Variants in ADAMTS3 observed in about 807,000 individuals in gnomAD.
ADAMTS3 encodes A disintegrin and metalloproteinase with thrombospondin motifs 3.
A neutral mutation model predicts 129.0 loss-of-function variants in ADAMTS3; 73 were observed. The observed-to-expected ratio is 0.57, with a 90% confidence interval of 0.47 to 0.69. The LOEUF is 0.69. ADAMTS3 is among the 30% of genes least tolerant of loss of function. ADAMTS3 has a pLI of 0.00. For synonymous variants in ADAMTS3, 477 were observed against 510.8 expected, an observed-to-expected ratio of 0.93 and a Z score of 0.89; for missense variants, 1,457 against 1,514.5, an observed-to-expected ratio of 0.96 and a Z score of 0.63.
chr4:72,545,238 T>C (rs1358773128), intron 3 of ADAMTS3, among the ~76,000 whole-genome samples: 1 of 152,106 alleles, frequency 6.6e-6, no homozygotes, highest in South Asian at 2.1e-4. Context: ...AAATTAGACA[T>C]GAGATGTGAA....
Position 72,568,739 on chromosome 4 carries a change from C to T in ADAMTS3, c.24G>A (p.Leu8=). The T allele has an allele frequency of 6.2e-7, 1 of 1,613,748 alleles. No individual in the cohort carries two copies. The part of the protein sequence containing the change: MVLLSLW[L]IAAALVEVRT... ...TAACCTCTACCAGAGCGGCTGCTAT[C>T]AACCAAAGTGACAGGAGAACCATCA... The change falls in exon 1 of 22, where the codon TTG becomes TTA. Residue 8 remains leucine, a synonymous_variant. Transcript: ENST00000286657.
At chr4:72,424,799 T>A (rs1722529726) in intron 3 of ADAMTS3, among the ~76,000 whole-genome samples, 1 of 152,140 alleles carries the variant, frequency 6.6e-6, no homozygotes, top group Non-Finnish European at 1.5e-5. Flanking sequence ...CTAATCAGTA[T>A]CTGAAAGAAA....
At chr4:72,433,532 C>T (rs1482633148) in intron 3 of ADAMTS3, among the ~76,000 whole-genome samples, 1 of 151,902 alleles carries the variant, frequency 6.6e-6, no homozygotes, top group Non-Finnish European at 1.5e-5. Flanking sequence ...GTGTGTCAGG[C>T]AGAATCCAAT....
rs1560553379 is a variant in ADAMTS3, at chr4:72,530,003, A to AT, written c.504+18474_504+18475insA. Among the ~76,000 whole-genome samples, 28 of 7,800 alleles carry AT rather than the reference A, an allele frequency of 3.6e-3. 8 individuals carry two copies. The highest frequency in any genetic ancestry group is 0.018 in the African/African-American group (28 of 1,558). 5.1% of individuals were successfully genotyped at this position (7,800 alleles called of 152,430 possible). On this transcript the variant is annotated intron_variant, in intron 3 of 21. Transcript: ENST00000286657. Reference sequence around the variant, plus strand: ...AATATAATATATTATATTTATATATAATATATAATATATTATATTTATATA... The same window carrying AT: ...AATATAATATATTATATTTATATATATATATATAATATATTATATTTATATA...
At chr4:72,358,914 A>C (rs1278880418) in intron 4 of ADAMTS3, among the ~76,000 whole-genome samples, 1 of 152,008 alleles carries the variant, frequency 6.6e-6, no homozygotes, top group Non-Finnish European at 1.5e-5. Context: ...GTGAAAGATT[A>C]TAAAGTGATA....
intron 3 of ADAMTS3, among the ~76,000 whole-genome samples, chr4:72,460,095 G>A (rs1042355536): frequency 1.3e-5 from 2 of 151,420 alleles, no homozygotes; most frequent in African/African-American, 4.8e-5. Flanking sequence ...TTTAGAAAGA[G>A]AACCAGGAAA....
intron 4 of ADAMTS3, among the ~76,000 whole-genome samples, chr4:72,370,024 T>G (rs1720964758): frequency 6.6e-6 from 1 of 152,216 alleles, no homozygotes; most frequent in Non-Finnish European, 1.5e-5. Context: ...CCAGCGTTGT[T>G]TCTGGGAAAT....
chr4:72,526,729 CATACATATATAT>C (rs1329657000), intron 3 of ADAMTS3, among the ~76,000 whole-genome samples: 1 of 42,410 alleles, frequency 2.4e-5, no homozygotes, highest in East Asian at 6.6e-4. Flanking sequence ...AAAATATATA[CATACATATATAT>C]ATATATATAT....
chr4:72,366,432 T>C (rs1003057649), intron 4 of ADAMTS3, among the ~76,000 whole-genome samples: 2 of 152,212 alleles, frequency 1.3e-5, no homozygotes, highest in South Asian at 2.1e-4. Flanking sequence ...TAGTTTTCAG[T>C]TGGGCTCTGC....
At chr4:72,314,681 T>C (rs149185955) in intron 11 of ADAMTS3, among the ~76,000 whole-genome samples, 2 of 152,334 alleles carry the variant, frequency 1.3e-5, no homozygotes, top group East Asian at 3.9e-4. Context: ...TAACTCGTTA[T>C]ACTCTTGTTT....
At chr4:72,447,374 C>G (rs1032112361) in intron 3 of ADAMTS3, among the ~76,000 whole-genome samples, 17 of 151,754 alleles carry the variant, frequency 1.1e-4, no homozygotes, top group African/African-American at 4.1e-4. Flanking sequence ...ATTCTGACCT[C>G]TTTTCATGCA....
At chr4:72,388,295 G>A (rs534151173) in intron 4 of ADAMTS3, among the ~76,000 whole-genome samples, 20 of 152,306 alleles carry the variant, frequency 1.3e-4, no homozygotes, top group African/African-American at 4.6e-4. Flanking sequence ...TACCACTATT[G>A]TGTTTTGGTC....
Position 72,313,614 on chromosome 4 carries a change from AC to A in ADAMTS3, c.1745+62del, listed in dbSNP as rs575581248. ...CACTTTATAAAACAGAATACTAATA[AC>A]ATAATATTGAAGTATTTTCTGGTCT... On this transcript the variant is annotated intron_variant, in intron 12 of 21. Transcript: ENST00000286657. 1,837 of 1,534,294 alleles carry A rather than the reference AC, an allele frequency of 1.2e-3. 22 individuals are homozygous for A. The South Asian group carries it at 0.014, about 12-fold the overall frequency.
At chr4:72,336,825 T>C (rs1720002874) in intron 5 of ADAMTS3, among the ~76,000 whole-genome samples, 1 of 152,104 alleles carries the variant, frequency 6.6e-6, no homozygotes, top group Non-Finnish European at 1.5e-5. Context: ...CCTCTGTCGC[T>C]ATTAGCAGTA....
At chr4:72,350,244 A>C (rs183127481) in intron 4 of ADAMTS3, among the ~76,000 whole-genome samples, 1 of 152,080 alleles carries the variant, frequency 6.6e-6, no homozygotes, top group African/African-American at 2.4e-5. Context: ...ATTTTACTAC[A>C]TAACTGTGTG....
chr4:72,303,813 C>A, intron 17 of ADAMTS3, 104 bp downstream of exon 17: 1 of 1,216,812 alleles, frequency 8.2e-7, no homozygotes, highest in African/African-American at 1.6e-5. Flanking sequence ...ACTCATGTTT[C>A]AAAGTTCAAA....
intron 2 of ADAMTS3, among the ~76,000 whole-genome samples, chr4:72,561,048 T>C (rs1721891034): frequency 6.6e-6 from 1 of 152,138 alleles, no homozygotes; most frequent in Non-Finnish European, 1.5e-5. Context: ...TAGATTTAGA[T>C]TTTAGATTAA....
At chr4:72,532,954 G>A (rs1196717242) in intron 3 of ADAMTS3, among the ~76,000 whole-genome samples, 1 of 152,092 alleles carries the variant, frequency 6.6e-6, no homozygotes, top group Non-Finnish European at 1.5e-5. Context: ...AAAGGTCTAA[G>A]ACATTATTGT....
intron 2 of ADAMTS3, among the ~76,000 whole-genome samples, chr4:72,551,764 A>G (rs968731860): frequency 6.6e-6 from 1 of 152,188 alleles, no homozygotes; most frequent in African/African-American, 2.4e-5. Context: ...ATATAAGCAA[A>G]GAGCCAAAGG....
Sources: allele counts gnomAD v4.1 joint callset (sites outside exome capture counted in the v4.1 genomes callset), GRCh38; gene constraint gnomAD v4.1.1; transcripts MANE v1.5; gene names NCBI Gene and HGNC (gene_info 2026-07-23, HGNC 2026-07-21).